Variants in TET2 observed in about 807,000 individuals in gnomAD.
TET2 encodes methylcytosine dioxygenase TET2.
Under a neutral mutation model 142.9 loss-of-function variants are expected in TET2, and 299 were observed. The ratio of observed to expected loss-of-function variants is 2.09; its 90% CI spans 1.90 to 2.30. TET2 has a LOEUF of 2.30. Among genes scored for constraint, TET2 ranks in the 30% most tolerant of loss-of-function variants. The pLI, the probability that TET2 is intolerant of heterozygous loss-of-function variation, is 0.00. For synonymous variants in TET2, 819 were observed against 849.0 expected (o/e 0.96, Z 0.61); for missense variants, 2,418 against 2,378.0 (o/e 1.02, Z -0.35).
intron 1 of TET2, among the ~76,000 whole-genome samples, chr4:105,177,193 A>G (rs1417956813): frequency 2.0e-5 from 3 of 152,208 alleles, no homozygotes; most frequent in African/African-American, 7.2e-5. Context: ...TAACACAGGA[A>G]AAATCCTAGA....
chr4:105,251,052 T>A (rs748341227), intron 6 of TET2, among the ~76,000 whole-genome samples: 54 of 152,342 alleles, frequency 3.5e-4, no homozygotes, highest in Non-Finnish European at 7.1e-4. Flanking sequence ...TTGTTGATAA[T>A]ATATGGTCAT....
chr4:105,267,829 TA>T (rs1345768278), intron 8 of TET2, among the ~76,000 whole-genome samples: 1 of 151,768 alleles, frequency 6.6e-6, no homozygotes, highest in African/African-American at 2.4e-5. Flanking sequence ...ATTTTTAACA[TA>T]AAAAATGATG....
chr4:105,159,490 G>A (rs1392109598), intron 1 of TET2, among the ~76,000 whole-genome samples: 1 of 151,984 alleles, frequency 6.6e-6, no homozygotes, highest in Non-Finnish European at 1.5e-5. Flanking sequence ...CCCGACTTAA[G>A]GTGATCCGCT....
chr4:105,167,815 A>G (rs1724243395), intron 1 of TET2, among the ~76,000 whole-genome samples: 2 of 152,222 alleles, frequency 1.3e-5, no homozygotes, highest in South Asian at 4.1e-4. Context: ...GTAATAGAAA[A>G]GGAGATAAAA....
intron 2 of TET2, among the ~76,000 whole-genome samples, chr4:105,217,081 T>A (rs1727538386): frequency 6.6e-6 from 1 of 152,044 alleles, no homozygotes; most frequent in South Asian, 2.1e-4. Flanking sequence ...GCATTCTCTA[T>A]GAAGATACAT....
At chr4:105,156,272 A>AATAT (rs1162448770) in intron 1 of TET2, among the ~76,000 whole-genome samples, 2 of 152,206 alleles carry the variant, frequency 1.3e-5, no homozygotes, top group African/African-American at 4.8e-5. Context: ...ACCATATTCA[A>AATAT]AAGAAGAAAA....
In TET2 at chr4:105,279,632, AT is replaced by A. The variant is rs1303905768; in HGVS notation, c.*3116del. 4.3e-6 allele frequency: 1 copy of A among 231,546 alleles called. No homozygotes were observed. Among genetic ancestry groups the A allele is most frequent in the Non-Finnish European group, 8.5e-6 (1 of 117,114 alleles). 14.3% of individuals were successfully genotyped at this position (231,546 alleles called of 1,614,324 possible). ...CTATGCTTTTTTAAAAACTAGTTTC[AT>A]TTCATTTTCATGAGATGTTTGGTTT... On this transcript the variant is annotated 3_prime_UTR_variant, in exon 11 of 11. Transcript: ENST00000380013.
intron 2 of TET2, among the ~76,000 whole-genome samples, chr4:105,207,414 A>G (rs1726892454): frequency 1.3e-5 from 2 of 152,212 alleles, no homozygotes; most frequent in Admixed American, 6.5e-5. Flanking sequence ...TCCTTTCAGA[A>G]TAGCCAACAG....
chr4:105,274,722 G>A (rs1014668683), intron 10 of TET2, among the ~76,000 whole-genome samples: 2 of 152,150 alleles, frequency 1.3e-5, no homozygotes, highest in Non-Finnish European at 2.9e-5. Context: ...CTACACCAAG[G>A]AAGGATAGGG....
intron 6 of TET2, among the ~76,000 whole-genome samples, chr4:105,245,063 T>C (rs1295981546): frequency 1.3e-5 from 2 of 152,258 alleles, no homozygotes; most frequent in Non-Finnish European, 1.5e-5. Context: ...TCCTTTGCTG[T>C]TTAAAACTCT....
At chr4:105,225,610 T>C (rs1399342659) in intron 2 of TET2, among the ~76,000 whole-genome samples, 9 of 152,166 alleles carry the variant, frequency 5.9e-5, no homozygotes. Flanking sequence ...AGAGCTCTAG[T>C]CTTCCCCTCT....
chr4:105,146,062 G>A (rs562694138), upstream of TET2: 1 of 152,484 alleles, frequency 6.6e-6, no homozygotes, highest in Non-Finnish European at 1.5e-5. Flanking sequence ...GATCTAAAGG[G>A]AGATAGAGAC....
At chr4:105,196,626 G>A (rs895430818) in intron 2 of TET2, among the ~76,000 whole-genome samples, 4 of 152,040 alleles carry the variant, frequency 2.6e-5, no homozygotes, top group African/African-American at 4.8e-5. Context: ...CCTTTGTACC[G>A]CTGTTCCTCT....
chr4:105,223,193 A>G (rs924662385), intron 2 of TET2, among the ~76,000 whole-genome samples: 2 of 152,214 alleles, frequency 1.3e-5, no homozygotes, highest in African/African-American at 2.4e-5. Context: ...AATGAGAAAT[A>G]AAAAGTTAGC....
chr4:105,236,554 A>C lies in TET2; in HGVS notation c.2612A>C (p.Asn871Thr). 5 of 1,614,096 alleles carry C rather than the reference A, an allele frequency of 3.1e-6. No homozygotes were observed. Among genetic ancestry groups the C allele is most frequent in the Non-Finnish European group, 4.2e-6 (5 of 1,180,000 alleles). The stretch of plus-strand genomic sequence containing the variant: ...CATCACATGCAATATTTTCCAAATA[A>C]TGTGATCCCAAAGCAAGATCTTCTT... ...NLHHMQYFPN[N>T]VIPKQDLLHR... The change falls in exon 3 of 11, where the codon AAT becomes ACT. Residue 871 changes from asparagine to threonine, a missense_variant. By Grantham distance (65) the Asn-to-Thr change is moderately conservative (BLOSUM62 0). Coordinates refer to ENST00000380013, the MANE Select transcript of TET2 (RefSeq NM_001127208.3).
intron 1 of TET2, 26 bp from the exon 2 acceptor site, chr4:105,190,331 TAAA>T (rs1725711493): frequency 1.6e-6 from 1 of 626,004 alleles, no homozygotes; most frequent in Non-Finnish European, 2.8e-6. Flanking sequence ...TTTGCTAACT[TAAA>T]AATGTTCAAA....
intron 2 of TET2, among the ~76,000 whole-genome samples, chr4:105,225,090 C>G (rs1728102356): frequency 6.6e-6 from 1 of 151,658 alleles, no homozygotes. Context: ...ATAACTTTAG[C>G]ATTATGTTTT....
chr4:105,180,813 A>G (rs1165521792), intron 1 of TET2, among the ~76,000 whole-genome samples: 1 of 152,012 alleles, frequency 6.6e-6, no homozygotes, highest in Non-Finnish European at 1.5e-5. Flanking sequence ...CTAATTCTGT[A>G]TTTTTAGTAG....
At chr4:105,179,317 C>T (rs1189854073) in intron 1 of TET2, among the ~76,000 whole-genome samples, 1 of 152,140 alleles carries the variant, frequency 6.6e-6, no homozygotes, top group Non-Finnish European at 1.5e-5. Flanking sequence ...AACTTTGTCT[C>T]CTCCTTAATT....
Sources: allele counts gnomAD v4.1 joint callset (sites outside exome capture counted in the v4.1 genomes callset), GRCh38; gene constraint gnomAD v4.1.1; transcripts MANE v1.5; gene names NCBI Gene and HGNC (gene_info 2026-07-23, HGNC 2026-07-21).